Variants in CFDP1 observed in about 807,000 individuals in gnomAD.
CFDP1 encodes the protein chromatin remodeling protein CFDP1.
In CFDP1, 31 loss-of-function variants were observed where a neutral mutation model predicts 40.1. That is an observed-to-expected ratio of 0.77 (90% CI 0.58 to 1.04). CFDP1 has a LOEUF of 1.04. Ranked by LOEUF, CFDP1 falls within the 50% of genes least tolerant of loss-of-function variation. CFDP1 has a pLI of 0.00. For missense variants in CFDP1, 423 were observed against 343.4 expected (o/e 1.23, Z -1.83); for synonymous variants, 167 against 120.0 (o/e 1.39, Z -2.56).
intron 1 of CFDP1, among the ~76,000 whole-genome samples, chr16:75,426,036 A>C (rs1226878258): frequency 0.099 from 113 of 1,140 alleles, no homozygotes; most frequent in African/African-American, 0.22. Flanking sequence ...ACTCTGTCTC[A>C]AAAAAAAAAA....
At chr16:75,327,246 G>A (rs533873957) in intron 5 of CFDP1, among the ~76,000 whole-genome samples, 1 of 152,122 alleles carries the variant, frequency 6.6e-6, no homozygotes. Context: ...CAGCCTGGAC[G>A]ACAGTGCAAG....
At chr16:75,329,186 A>G (rs1176664811) in intron 5 of CFDP1, among the ~76,000 whole-genome samples, 1 of 152,088 alleles carries the variant, frequency 6.6e-6, no homozygotes, top group Non-Finnish European at 1.5e-5. Context: ...GGGTTTCCCC[A>G]TGTTGGCCGG....
At chr16:75,338,022 T>C (rs3851734) in intron 5 of CFDP1, among the ~76,000 whole-genome samples, 77,298 of 152,006 alleles carry the variant, frequency 0.51, 20,966 homozygotes, top group Admixed American at 0.66. Context: ...CAGCCACTTA[T>C]TCACACGGCA....
Position 75,294,030 on chromosome 16 carries a change from C to T in CFDP1, c.822G>A (p.Arg274=). The T allele has an allele frequency of 6.2e-7, 1 of 1,613,468 alleles. No individual in the cohort carries two copies. Among genetic ancestry groups the T allele is most frequent in the Non-Finnish European group, 8.5e-7 (1 of 1,179,426 alleles). Residue 274 remains arginine, a synonymous_variant, in exon 7 of 7, where the codon CGG becomes CGA. Coordinates refer to ENST00000283882, the MANE Select transcript of CFDP1 (RefSeq NM_006324.3). ...HNRGKEGYIE[R]KAFLDRVDHR... ...GATCCACTCGGTCAAGGAAGGCTTTCCGTTCAATGTACCTAGAAGATGAAA... is the reference window on the plus strand; with the variant it reads ...GATCCACTCGGTCAAGGAAGGCTTTTCGTTCAATGTACCTAGAAGATGAAA...
chr16:75,353,748 CAAAAAAAAAAAAAAAAA>C (rs3975152), intron 5 of CFDP1, among the ~76,000 whole-genome samples: 1 of 72,340 alleles, frequency 1.4e-5, no homozygotes, highest in South Asian at 5.3e-4. Context: ...AAGTCCGTCT[CAAAAAAAAAAAAAAAAA>C]AAAAAAAAAA....
chr16:75,432,428 GC>G (rs1210339811), intron 1 of CFDP1, among the ~76,000 whole-genome samples: 1 of 103,668 alleles, frequency 9.6e-6, no homozygotes, highest in East Asian at 2.3e-4. Context: ...GCCTGCACCT[GC>G]AGTCCCAGCT....
chr16:75,393,886 C>T (rs1460087299), intron 5 of CFDP1, among the ~76,000 whole-genome samples: 3 of 151,750 alleles, frequency 2.0e-5, no homozygotes, highest in South Asian at 2.1e-4. Flanking sequence ...AGTGAAACCT[C>T]GTCTCTACTA....
At chr16:75,385,546 A>AAT (rs1555561874) in intron 5 of CFDP1, among the ~76,000 whole-genome samples, 2 of 151,734 alleles carry the variant, frequency 1.3e-5, no homozygotes, top group African/African-American at 4.8e-5. Context: ...GTTGAAAAAA[A>AAT]AAATTCTAAT....
At position 75,353,479 on chromosome 16, in the gene CFDP1, G is replaced by C. The variant is rs185091997; in HGVS notation, c.650+41611C>G. On this transcript the variant is annotated intron_variant, in intron 5 of 6. Coordinates refer to ENST00000283882, the MANE Select transcript of CFDP1 (RefSeq NM_006324.3). The stretch of plus-strand genomic sequence containing the variant: ...AGGTGATATATAAATAGTCATTAAT[G>C]AGGCTGGGGGCGGTGGCTCACGCCT... Among the ~76,000 whole-genome samples the C allele has an allele frequency of 4.0e-3, 605 of 152,196 alleles. 5 individuals are homozygous for C. The highest frequency in any genetic ancestry group is 0.013 in the African/African-American group (542 of 41,526).
intron 5 of CFDP1, among the ~76,000 whole-genome samples, chr16:75,321,558 T>C (rs532978986): frequency 6.6e-6 from 1 of 152,266 alleles, no homozygotes; most frequent in East Asian, 1.9e-4. Context: ...TATTGTTTTG[T>C]TTTGTTTTGG....
At chr16:75,337,283 C>A (rs1015379981) in intron 5 of CFDP1, among the ~76,000 whole-genome samples, 3 of 152,208 alleles carry the variant, frequency 2.0e-5, no homozygotes, top group Non-Finnish European at 4.4e-5. Context: ...GGAGCAGCGG[C>A]CACAGGCAGT....
chr16:75,315,837 A>G (rs554834553), intron 5 of CFDP1, among the ~76,000 whole-genome samples: 35 of 152,322 alleles, frequency 2.3e-4, no homozygotes, highest in Admixed American at 5.2e-4. Flanking sequence ...AGTCCAATAT[A>G]AAGTCCAGGT....
rs137946546 is a variant in CFDP1 at position 75,427,822 on chromosome 16, T to C, written c.64+5467A>G. 6.1e-3 allele frequency among the ~76,000 whole-genome samples: 935 copies of C among 152,332 alleles called. 5 individuals are homozygous for C. Among genetic ancestry groups the C allele is most frequent in the African/African-American group, 0.022 (902 of 41,584 alleles). ...TTATAAACAGCTTTATTTGTAATCA[T>C]AAAAAATTGGAAACAACCCAGTGTC... On this transcript the variant is annotated intron_variant, in intron 1 of 6. Transcript: ENST00000283882.
At chr16:75,410,185 T>C (rs1811333007) in intron 4 of CFDP1, among the ~76,000 whole-genome samples, 1 of 151,938 alleles carries the variant, frequency 6.6e-6, no homozygotes, top group Non-Finnish European at 1.5e-5. Context: ...ATAACAATTT[T>C]AGGGAAAATT....
chr16:75,385,402 G>T (rs1027989527), intron 5 of CFDP1, among the ~76,000 whole-genome samples: 3 of 152,008 alleles, frequency 2.0e-5, no homozygotes, highest in Admixed American at 2.0e-4. Context: ...TTTAAGTGGT[G>T]GGACTACAGG....
intron 5 of CFDP1, among the ~76,000 whole-genome samples, chr16:75,367,213 T>G (rs1287272590): frequency 6.6e-6 from 1 of 151,274 alleles, no homozygotes; most frequent in Non-Finnish European, 1.5e-5. Context: ...ACTATACATT[T>G]GTATTTGGAT....
At chr16:75,348,201 G>A (rs1400991124) in intron 5 of CFDP1, among the ~76,000 whole-genome samples, 1 of 152,196 alleles carries the variant, frequency 6.6e-6, no homozygotes, top group African/African-American at 2.4e-5. Flanking sequence ...AGTGATCACA[G>A]CACACTGCAA....
intron 5 of CFDP1, among the ~76,000 whole-genome samples, chr16:75,342,845 T>C (rs1023502718): frequency 2.0e-5 from 3 of 152,162 alleles, no homozygotes; most frequent in Non-Finnish European, 4.4e-5. Context: ...GGGGAAGATA[T>C]TACAGACATC....
chr16:75,358,233 C>T (rs1001496590), intron 5 of CFDP1, among the ~76,000 whole-genome samples: 1 of 152,094 alleles, frequency 6.6e-6, no homozygotes, highest in Admixed American at 6.5e-5. Context: ...GTTAAAATGG[C>T]ACGGGTAGAT....
Sources: gnomAD v4.1 joint callset for allele counts (sites outside exome capture counted in the v4.1 genomes callset) on GRCh38, gnomAD v4.1.1 for gene constraint, MANE v1.5 for transcripts, NCBI Gene and HGNC (gene_info 2026-07-23, HGNC 2026-07-21) for gene names.